KYNU: variants seen among roughly 807,000 people sequenced by gnomAD.
The protein encoded by KYNU is L-kynurenine hydrolase.
In KYNU, 54 loss-of-function variants were observed where a neutral mutation model predicts 59.2. The observed-to-expected ratio is 0.91, with a 90% CI of 0.73 to 1.14. KYNU has a LOEUF of 1.14. Ranked by LOEUF, KYNU falls within the 50% of genes most tolerant of loss-of-function variation. The probability of loss-of-function intolerance (pLI) is 0.00; values close to 1 mark genes in which losing one functional copy is unlikely to be tolerated. For synonymous variants in KYNU, 177 were observed against 192.0 expected, an observed-to-expected ratio of 0.92 and a Z score of 0.65; for missense variants, 567 against 554.4, an observed-to-expected ratio of 1.02 and a Z score of -0.23.
At chr2:143,022,475 C>G (rs563882310) in intron 10 of KYNU, among the ~76,000 whole-genome samples, 27 of 151,796 alleles carry the variant, frequency 1.8e-4, no homozygotes, top group Non-Finnish European at 3.2e-4. Context: ...GTATGCAATC[C>G]TAACCTAGTT....
intron 2 of KYNU, among the ~76,000 whole-genome samples, chr2:142,910,828 G>A (rs1454970045): frequency 1.3e-5 from 2 of 152,144 alleles, no homozygotes; most frequent in African/African-American, 4.8e-5. Flanking sequence ...TTGAATAAGA[G>A]TTCTTACCCC....
rs1382791023 is a variant in KYNU, at chr2:143,053,557, G to A, written c.*11385G>A. ...GAGAGGTACCCGGTGGGAGGTAATT[G>A]AATCATGAGGGCAGGTCTTTTCTGT... On this transcript the variant is annotated 3_prime_UTR_variant, in exon 14 of 14. Coordinates refer to ENST00000264170, the MANE Select transcript of KYNU (RefSeq NM_003937.3). 6.6e-6 allele frequency: 1 copy of A among 152,152 alleles called. No homozygotes were observed. Among genetic ancestry groups the A allele is most frequent in the African/African-American group, 2.4e-5 (1 of 41,406 alleles). 9.4% of individuals were successfully genotyped at this position (152,152 alleles called of 1,614,324 possible). A position where few individuals can be genotyped will look rare whatever the true frequency, so the allele number is the denominator to read the frequency against.
At chr2:142,943,743 C>T (rs868350297) in intron 4 of KYNU, among the ~76,000 whole-genome samples, 8 of 151,992 alleles carry the variant, frequency 5.3e-5, no homozygotes, top group African/African-American at 1.7e-4. Flanking sequence ...AGCAATAATC[C>T]CTGGAAGCTA....
intron 10 of KYNU, among the ~76,000 whole-genome samples, chr2:143,006,474 G>T (rs1484674800): frequency 2.1e-5 from 3 of 142,422 alleles, no homozygotes; most frequent in African/African-American, 8.0e-5. Flanking sequence ...CAGCGAGGCT[G>T]GGGGAGGGGC....
intron 10 of KYNU, among the ~76,000 whole-genome samples, chr2:143,022,776 T>C (rs1686444148): frequency 6.6e-6 from 1 of 152,126 alleles, no homozygotes; most frequent in Admixed American, 6.5e-5. Context: ...AATCTAGATT[T>C]GTCAATTTAA....
At chr2:142,977,598 GT>G (rs1684931722) in intron 8 of KYNU, among the ~76,000 whole-genome samples, 1 of 151,568 alleles carries the variant, frequency 6.6e-6, no homozygotes, top group East Asian at 1.9e-4. Context: ...ATTTTCTATT[GT>G]TTCATGTTTT....
chr2:142,932,068 C>T (rs535748942), intron 4 of KYNU, among the ~76,000 whole-genome samples: 1 of 152,186 alleles, frequency 6.6e-6, no homozygotes, highest in African/African-American at 2.4e-5. Flanking sequence ...CAGGCTTGGT[C>T]GGTAGGAAAA....
At chr2:143,038,176 G>A (rs1686939649) in intron 12 of KYNU, among the ~76,000 whole-genome samples, 1 of 151,982 alleles carries the variant, frequency 6.6e-6, no homozygotes, top group African/African-American at 2.4e-5. Context: ...CATATCGATT[G>A]CCCCCATGTA....
chr2:142,890,819 A>G (rs893014823), intron 2 of KYNU, among the ~76,000 whole-genome samples: 14 of 152,192 alleles, frequency 9.2e-5, no homozygotes, highest in African/African-American at 3.4e-4. Context: ...AGATAATAAA[A>G]TAATTATTCC....
intron 2 of KYNU, among the ~76,000 whole-genome samples, chr2:142,907,929 C>A (rs1682354480): frequency 6.6e-6 from 1 of 151,932 alleles, no homozygotes; most frequent in Admixed American, 6.6e-5. Flanking sequence ...CACAGACAAG[C>A]CATTTAAAAA....
chr2:142,914,391 T>C (rs999739466), intron 2 of KYNU, among the ~76,000 whole-genome samples: 11 of 152,346 alleles, frequency 7.2e-5, no homozygotes, highest in African/African-American at 2.6e-4. Context: ...CTCACCACTT[T>C]GTTTTCTCTC....
At chr2:142,961,964 G>T (rs1047250559) in intron 8 of KYNU, among the ~76,000 whole-genome samples, 2 of 152,152 alleles carry the variant, frequency 1.3e-5, no homozygotes, top group African/African-American at 4.8e-5. Flanking sequence ...AATATATTTA[G>T]CACTGTTATC....
chr2:142,930,302 T>C (rs1683167628), intron 4 of KYNU, among the ~76,000 whole-genome samples: 1 of 152,138 alleles, frequency 6.6e-6, no homozygotes, highest in South Asian at 2.1e-4. Flanking sequence ...TTGTTGAAAT[T>C]CTGTTTAAAA....
At position 142,938,260 on chromosome 2, in the gene KYNU, AT is replaced by A. The variant is rs1357662942; in HGVS notation, c.373+10523del. On this transcript the variant is annotated intron_variant, in intron 4 of 13. Coordinates refer to ENST00000264170, the MANE Select transcript of KYNU (RefSeq NM_003937.3). ...CACTCCAAAACAGTATCCTCCCATA[AT>A]TTTGTTTAAATCTGTTAAAAGAAAA... 1.3e-5 allele frequency among the ~76,000 whole-genome samples: 2 copies of A among 152,284 alleles called. 1 individual carries two copies. The highest frequency in any genetic ancestry group is 3.9e-4 in the East Asian group (2 of 5,188).
Position 142,949,557 on chromosome 2 carries a change from A to ATC in KYNU, c.374-5253_374-5252insTC, listed in dbSNP as rs1178543466. Among the ~76,000 whole-genome samples the ATC allele has an allele frequency of 3.9e-5, 6 of 152,346 alleles. No individual in the cohort carries two copies. In the East Asian group the frequency reaches 9.6e-4, roughly 24 times the overall value. ...CTTGAGGCTTGCACCCTTTGAAGCC[A>ATC]CAGACTGAGCTGTACCTTGGCCCCT... On this transcript the variant is annotated intron_variant, in intron 4 of 13. Transcript: ENST00000264170.
At chr2:143,022,074 A>G (rs1229549970) in intron 10 of KYNU, among the ~76,000 whole-genome samples, 1 of 152,188 alleles carries the variant, frequency 6.6e-6, no homozygotes, top group Non-Finnish European at 1.5e-5. Context: ...AAAGTACAGT[A>G]GTAATAATTT....
intron 7 of KYNU, 98 bp from the exon 8 acceptor site, chr2:142,960,526 A>G (rs1267499562): frequency 1.8e-6 from 2 of 1,103,426 alleles, no homozygotes; most frequent in South Asian, 1.6e-5. Flanking sequence ...AAACTATTTT[A>G]TAATGCAAAA....
chr2:142,989,592 A>C, intron 10 of KYNU: 4 of 692,712 alleles, frequency 5.8e-6, no homozygotes, highest in Non-Finnish European at 7.1e-6. Context: ...TGAAGTATAT[A>C]TGTTTGAATT....
At chr2:142,975,985 T>C (rs2105136467) in intron 8 of KYNU, among the ~76,000 whole-genome samples, 1 of 152,254 alleles carries the variant, frequency 6.6e-6, no homozygotes, top group African/African-American at 2.4e-5. Context: ...AAAATTAATG[T>C]CACAGGTGCG....
Sources: gnomAD v4.1 joint callset for allele counts (sites outside exome capture counted in the v4.1 genomes callset) on GRCh38, gnomAD v4.1.1 for gene constraint, MANE v1.5 for transcripts, NCBI Gene and HGNC (gene_info 2026-07-23, HGNC 2026-07-21) for gene names.